IMPG1: variants seen among roughly 807,000 people sequenced by gnomAD.
IMPG1 encodes interphotoreceptor matrix proteoglycan of 150 kDa.
A neutral mutation model predicts 92.0 loss-of-function variants in IMPG1; 85 were observed. That is an observed-to-expected ratio of 0.92 (90% CI 0.78 to 1.11). The LOEUF is 1.11. IMPG1 is among the 50% of genes least tolerant of loss of function. The probability of loss-of-function intolerance (pLI) is 0.00; values close to 1 mark genes in which losing one functional copy is unlikely to be tolerated. For synonymous variants in IMPG1, 367 were observed against 334.1 expected (o/e 1.10, Z -1.08); for missense variants, 1,022 against 956.0 (o/e 1.07, Z -0.91).
At chr6:75,995,860 C>T (rs1010995709) in intron 12 of IMPG1, among the ~76,000 whole-genome samples, 1 of 152,200 alleles carries the variant, frequency 6.6e-6, no homozygotes, top group Non-Finnish European at 1.5e-5. Context: ...AAATAAACTC[C>T]TTGTAATTGA....
chr6:75,966,475 C>A (rs1450305826), intron 12 of IMPG1, among the ~76,000 whole-genome samples: 2 of 152,132 alleles, frequency 1.3e-5, no homozygotes, highest in African/African-American at 4.8e-5. Context: ...GCTCTCACCC[C>A]CTCCTGCTCT....
At chr6:75,997,419 T>C (rs1203947390) in intron 12 of IMPG1, among the ~76,000 whole-genome samples, 4 of 152,166 alleles carry the variant, frequency 2.6e-5, no homozygotes, top group Admixed American at 2.6e-4. Flanking sequence ...GCCTTCCTGA[T>C]TGAGTTAGGA....
At chr6:76,013,469 T>C (rs569593843) in intron 7 of IMPG1, among the ~76,000 whole-genome samples, 4 of 152,272 alleles carry the variant, frequency 2.6e-5, no homozygotes, top group East Asian at 3.9e-4. Flanking sequence ...ACTGCACCCA[T>C]TTTCAAAGCC....
At chr6:75,937,518 T>A (rs1187827539) in intron 14 of IMPG1, among the ~76,000 whole-genome samples, 1 of 152,198 alleles carries the variant, frequency 6.6e-6, no homozygotes, top group South Asian at 2.1e-4. Context: ...GGTAATAGTT[T>A]GACCAGCAAA....
Position 76,018,876 on chromosome 6 carries a change from A to C in IMPG1, c.667-18T>G. ...TCTCTTTCCTGAGTTTAAAAAAAAA[A>C]AAAAGGACTTCTGTTAACCTAAACC... On this transcript the variant is annotated intron_variant, in intron 6 of 16. Coordinates refer to ENST00000369950, the MANE Select transcript of IMPG1 (RefSeq NM_001563.4). 1.3e-6 allele frequency: 2 copies of C among 1,568,554 alleles called. No homozygotes were observed. The highest frequency in any genetic ancestry group is 1.7e-6 in the Non-Finnish European group (2 of 1,161,634).
At chr6:75,952,615 A>G (rs1010283857) in intron 12 of IMPG1, among the ~76,000 whole-genome samples, 2 of 152,036 alleles carry the variant, frequency 1.3e-5, no homozygotes, top group Non-Finnish European at 2.9e-5. Context: ...TTTTATTAAA[A>G]TCTCCATTGC....
chr6:75,928,314 C>T (rs1781596325), intron 15 of IMPG1, among the ~76,000 whole-genome samples: 1 of 152,130 alleles, frequency 6.6e-6, no homozygotes, highest in Non-Finnish European at 1.5e-5. Flanking sequence ...ATTCTCCTGC[C>T]TCAGCCTCCA....
chr6:76,052,897 G>T (rs1225927581), intron 1 of IMPG1, among the ~76,000 whole-genome samples: 1 of 152,140 alleles, frequency 6.6e-6, no homozygotes, highest in African/African-American at 2.4e-5. Context: ...CACTAAGATT[G>T]TCAACCAGCT....
chr6:76,004,090 C>G (rs533395205), intron 10 of IMPG1, 140 bp from the exon 11 acceptor site: 2 of 619,032 alleles, frequency 3.2e-6, no homozygotes, highest in Admixed American at 3.4e-5. Flanking sequence ...AAACCAGAGG[C>G]ATAGAAAAAA....
At chr6:76,036,151 T>A (rs1783738752) in intron 2 of IMPG1, among the ~76,000 whole-genome samples, 2 of 152,192 alleles carry the variant, frequency 1.3e-5, no homozygotes, top group African/African-American at 4.8e-5. Context: ...GATGTTAAAG[T>A]TTTCTCAACA....
At position 76,007,480 on chromosome 6, in the gene IMPG1, C is replaced by T. The variant is rs199788973; in HGVS notation, c.887G>A (p.Gly296Asp). 2.5e-6 allele frequency: 4 copies of T among 1,596,664 alleles called. No homozygotes were observed. In the East Asian group the frequency reaches 6.7e-5, roughly 27 times the overall value. ...LGFRPKKEKD[G>D]SSSTEMQLTA... Reference sequence around the variant, plus strand: ...TTTCAAAACTTAAAGTCCAAATTACCCATCTTTTTCTTTCTTTGGTCTTCA... The same window carrying T: ...TTTCAAAACTTAAAGTCCAAATTACTCATCTTTTTCTTTCTTTGGTCTTCA... The change falls in exon 9 of 17, where the codon GGC becomes GAC. Residue 296 changes from glycine to aspartate, a missense_variant and splice_region_variant. Around this residue, in one of 3 missense-constraint regions of IMPG1, gnomAD observed 681 missense variants for 583.6 expected, o/e 1.17. Coordinates refer to ENST00000369950, the MANE Select transcript of IMPG1 (RefSeq NM_001563.4).
At chr6:76,037,309 T>G (rs1783758353) in intron 2 of IMPG1, among the ~76,000 whole-genome samples, 1 of 152,128 alleles carries the variant, frequency 6.6e-6, no homozygotes, top group African/African-American at 2.4e-5. Flanking sequence ...ACCAGAACCT[T>G]CAAGGTAATT....
chr6:76,058,367 T>C lies in IMPG1; in HGVS notation c.67+14055A>G, dbSNP rs116878479. On this transcript the variant is annotated intron_variant, in intron 1 of 16. Transcript: ENST00000369950. ...CTCAGTAAGTAGAAGGAGGTGATAA[T>C]AGTAACAGTGGTAGTTGCTATAGCC... Among the ~76,000 whole-genome samples the C allele has an allele frequency of 4.3e-3, 651 of 152,276 alleles. 3 individuals carry two copies. Among genetic ancestry groups the C allele is most frequent in the South Asian group, 0.018 (89 of 4,824 alleles).
At chr6:75,974,401 T>TTTCCTTCCTTCC (rs761519920) in intron 12 of IMPG1, among the ~76,000 whole-genome samples, 2 of 92,798 alleles carry the variant, frequency 2.2e-5, no homozygotes, top group Admixed American at 2.7e-4. Context: ...CTTTTCTTTC[T>TTTCCTTCCTTCC]TTCCTTCCTT....
intron 12 of IMPG1, among the ~76,000 whole-genome samples, chr6:75,997,506 A>G (rs1384186437): frequency 6.6e-6 from 1 of 152,218 alleles, no homozygotes; most frequent in Non-Finnish European, 1.5e-5. Context: ...TCAATGTGGT[A>G]GTGGGTACAT....
chr6:75,936,057 A>C (rs1447770477), intron 14 of IMPG1, among the ~76,000 whole-genome samples: 1 of 152,258 alleles, frequency 6.6e-6, no homozygotes, highest in African/African-American at 2.4e-5. Context: ...TTGTACCTTC[A>C]GAGAGAGTGG....
chr6:76,064,525 C>A (rs898503284), intron 1 of IMPG1, among the ~76,000 whole-genome samples: 6 of 152,082 alleles, frequency 3.9e-5, no homozygotes, highest in South Asian at 2.1e-4. Context: ...TGAGGTAGCT[C>A]CCTCTCCTCA....
chr6:75,976,487 A>AG (rs1782535164), intron 12 of IMPG1, among the ~76,000 whole-genome samples: 11 of 152,266 alleles, frequency 7.2e-5, no homozygotes, highest in Admixed American at 7.2e-4. Context: ...ATTTGAACCC[A>AG]GAAGCGGAGG....
intron 14 of IMPG1, chr6:75,935,035 C>T (rs769829657): frequency 6.4e-6 from 3 of 470,280 alleles, no homozygotes; most frequent in Non-Finnish European, 1.3e-5. Flanking sequence ...GGGCTGAGGT[C>T]CCGTTGGGTC....
Sources: allele counts gnomAD v4.1 joint callset (sites outside exome capture counted in the v4.1 genomes callset), GRCh38; gene constraint gnomAD v4.1.1; regional missense constraint gnomAD v4.1.1; transcripts MANE v1.5; gene names NCBI Gene and HGNC (gene_info 2026-07-23, HGNC 2026-07-21).